The following ZC3H12B variants were observed in gnomAD, a reference collection of about 807,000 sequenced individuals.
ZC3H12B encodes zinc finger CCCH-type containing 12B.
A neutral mutation model predicts 43.9 loss-of-function variants in ZC3H12B; 7 were observed. The observed-to-expected ratio is 0.16, with a 90% confidence interval of 0.09 to 0.30. The LOEUF (loss-of-function observed/expected upper bound fraction) is 0.30. Among genes scored for constraint, ZC3H12B ranks in the 10% least tolerant of loss-of-function variants. The pLI, the probability that ZC3H12B is intolerant of heterozygous loss-of-function variation, is 1.00. For synonymous variants in ZC3H12B, 222 were observed against 241.7 expected (o/e 0.92, Z 0.76); for missense variants, 475 against 670.2 (o/e 0.71, Z 3.22).
chrX:65,110,729 A>G, the ZC3H12B span, among the ~76,000 whole-genome samples: 4 of 111,274 alleles, frequency 3.6e-5, no homozygotes, highest in Non-Finnish European at 7.6e-5. Context: ...TTATCTTTCC[A>G]TATACATTTT....
chrX:65,044,971 A>G, the ZC3H12B span, among the ~76,000 whole-genome samples: 1 of 110,144 alleles, frequency 9.1e-6, no homozygotes, highest in Non-Finnish European at 1.9e-5. Context: ...CCCTACTTAA[A>G]AAAAAAAAAA....
chrX:65,037,838 A>G, the ZC3H12B span, among the ~76,000 whole-genome samples: 1 of 111,198 alleles, frequency 9.0e-6, no homozygotes, highest in Admixed American at 9.6e-5. Flanking sequence ...TAGTACTGCT[A>G]TTGCTACCAT....
chrX:65,041,155 A>G, the ZC3H12B span, among the ~76,000 whole-genome samples: 1 of 112,561 alleles, frequency 8.9e-6, no homozygotes. Context: ...TCTTTATTCA[A>G]AAATAACCCT....
chrX:65,169,870 G>A, the ZC3H12B span, among the ~76,000 whole-genome samples: 4 of 110,967 alleles, frequency 3.6e-5, no homozygotes, highest in Non-Finnish European at 1.9e-5. Flanking sequence ...TGCTTTTTTT[G>A]TTTTCCATTT....
chrX:65,056,660 T>A, the ZC3H12B span, among the ~76,000 whole-genome samples: 2 of 111,461 alleles, frequency 1.8e-5, no homozygotes, highest in African/African-American at 6.5e-5. Context: ...ACTTTCTGTC[T>A]CATTGATCTG....
At chrX:65,221,943 T>C in the ZC3H12B span, among the ~76,000 whole-genome samples, 1 of 108,273 alleles carries the variant, frequency 9.2e-6, no homozygotes, top group Admixed American at 9.8e-5. Flanking sequence ...GATAGAAAAA[T>C]CTTTCAACAA....
At chrX:65,143,901 G>A in the ZC3H12B span, among the ~76,000 whole-genome samples, 3 of 110,484 alleles carry the variant, frequency 2.7e-5, no homozygotes, top group Non-Finnish European at 5.7e-5. Flanking sequence ...TTTTGGATTT[G>A]GTTAGCTAGT....
the ZC3H12B span, among the ~76,000 whole-genome samples, chrX:65,055,414 C>G: frequency 7.2e-5 from 8 of 111,736 alleles, no homozygotes; most frequent in Non-Finnish European, 1.3e-4. Context: ...GTTGAACCAG[C>G]CTTGCATCCC....
the ZC3H12B span, among the ~76,000 whole-genome samples, chrX:65,120,793 G>T: frequency 1.8e-5 from 2 of 111,188 alleles, no homozygotes; most frequent in Non-Finnish European, 3.8e-5. Context: ...GTTTGTCATA[G>T]ATACCTCTTA....
chrX:65,177,636 T>C, the ZC3H12B span, among the ~76,000 whole-genome samples: 1 of 111,570 alleles, frequency 9.0e-6, no homozygotes, highest in Non-Finnish European at 1.9e-5. Flanking sequence ...ACACCAGTAA[T>C]AGACAAATAG....
intron 2 of ZC3H12B, among the ~76,000 whole-genome samples, chrX:65,387,983 G>A (rs181819289): frequency 2.7e-5 from 3 of 112,055 alleles, no homozygotes; most frequent in African/African-American, 9.7e-5. Context: ...CTCTCTTCTG[G>A]CTTGTAGAGT....
chrX:65,116,709 T>TC, the ZC3H12B span, among the ~76,000 whole-genome samples: 2 of 109,635 alleles, frequency 1.8e-5, no homozygotes, highest in East Asian at 2.9e-4. Context: ...ATGCTATCCT[T>TC]CCCCCCTCCC....
chrX:65,338,999 C>A, the ZC3H12B span, among the ~76,000 whole-genome samples: 1 of 111,976 alleles, frequency 8.9e-6, no homozygotes. Context: ...TACTGAAAGT[C>A]CTAGCCAGAG....
At chrX:65,245,460 GA>G in the ZC3H12B span, among the ~76,000 whole-genome samples, 1 of 111,629 alleles carries the variant, frequency 9.0e-6, no homozygotes. Flanking sequence ...CTGGCAAACA[GA>G]ATCCAGCAGC....
At chrX:65,442,853 C>T (rs896653607) in intron 3 of ZC3H12B, among the ~76,000 whole-genome samples, 2 of 111,641 alleles carry the variant, frequency 1.8e-5, no homozygotes, top group Non-Finnish European at 3.8e-5. Context: ...AGGGAACTGC[C>T]AAGCCTCTAA....
the ZC3H12B span, among the ~76,000 whole-genome samples, chrX:65,079,592 T>C: frequency 8.9e-6 from 1 of 112,407 alleles, no homozygotes; most frequent in Non-Finnish European, 1.9e-5. Flanking sequence ...GTAATCCAAA[T>C]AATTTTTCTG....
the ZC3H12B span, among the ~76,000 whole-genome samples, chrX:65,118,259 C>T: frequency 9.0e-6 from 1 of 111,465 alleles, no homozygotes. Context: ...TTGTAGTTCT[C>T]CTTGAAGAGG....
exon 3 of ZC3H12B, chrX:65,499,111 G>A (rs980291323): frequency 8.3e-7 from 1 of 1,210,915 alleles, no homozygotes; most frequent in South Asian, 1.8e-5. Flanking sequence ...TAGTCAAACT[G>A]GCTTTTGATT....
the ZC3H12B span, among the ~76,000 whole-genome samples, chrX:65,207,147 T>G: frequency 1.8e-5 from 2 of 108,929 alleles, no homozygotes; most frequent in Non-Finnish European, 3.8e-5. Flanking sequence ...TCCAGCAATC[T>G]CACTACTGGG....
Sources: gnomAD v4.1 joint callset for allele counts (sites outside exome capture counted in the v4.1 genomes callset) on GRCh38, gnomAD v4.1.1 for gene constraint, MANE v1.5 for transcripts, NCBI Gene and HGNC (gene_info 2026-07-23, HGNC 2026-07-21) for gene names.